The following SLC30A7 variants were observed in gnomAD, a reference collection of about 807,000 sequenced individuals.
SLC30A7 encodes solute carrier family 30 member 7, also known as zinc transporter 7.
A neutral mutation model predicts 46.0 loss-of-function variants in SLC30A7; 35 were observed. That is an observed-to-expected ratio of 0.76 (90% CI 0.58 to 1.01). SLC30A7 has a LOEUF of 1.01. Among genes scored for constraint, SLC30A7 ranks in the 50% least tolerant of loss-of-function variants. SLC30A7 has a pLI of 0.00. For synonymous variants in SLC30A7, 147 were observed against 157.8 expected, an observed-to-expected ratio of 0.93 and a Z score of 0.51; for missense variants, 464 against 451.1, an observed-to-expected ratio of 1.03 and a Z score of -0.26.
At chr1:100,972,362 C>CTTT in intron 10 of SLC30A7, 1 of 224,150 alleles carries the variant, frequency 4.5e-6, no homozygotes, top group South Asian at 5.9e-5. Context: ...ACTTTTTTTT[C>CTTT]TTTTTTTTTT....
the SLC30A7 span, among the ~76,000 whole-genome samples, chr1:100,987,576 G>A: frequency 6.6e-6 from 1 of 151,426 alleles, no homozygotes; most frequent in African/African-American, 2.4e-5. Context: ...TTTTGTCCAT[G>A]AACATAGTTC....
At chr1:100,898,335 T>A (rs1570494168) in intron 2 of SLC30A7, among the ~76,000 whole-genome samples, 1 of 152,220 alleles carries the variant, frequency 6.6e-6, no homozygotes, top group Non-Finnish European at 1.5e-5. Flanking sequence ...TAGAGATCTG[T>A]TGGGGAGATT....
chr1:100,986,273 G>T (rs945752340), downstream of SLC30A7, among the ~76,000 whole-genome samples: 2 of 152,158 alleles, frequency 1.3e-5, no homozygotes, highest in Non-Finnish European at 2.9e-5. Flanking sequence ...GCTGGGCGTG[G>T]TGGTGCATGC....
intron 8 of SLC30A7, among the ~76,000 whole-genome samples, chr1:100,939,965 T>A (rs1196077408): frequency 1.3e-5 from 2 of 152,040 alleles, no homozygotes; most frequent in Non-Finnish European, 2.9e-5. Flanking sequence ...TAGTAAAAAT[T>A]GATTTTAAAG....
intron 8 of SLC30A7, among the ~76,000 whole-genome samples, chr1:100,929,912 A>G (rs1203548415): frequency 1.3e-5 from 2 of 152,068 alleles, no homozygotes; most frequent in East Asian, 1.9e-4. Flanking sequence ...TTTTTTCCCT[A>G]AGGTGAGTTG....
At chr1:100,905,413 T>G (rs1456475161) in intron 2 of SLC30A7, among the ~76,000 whole-genome samples, 2 of 152,134 alleles carry the variant, frequency 1.3e-5, no homozygotes, top group African/African-American at 4.8e-5. Flanking sequence ...TCATTAAGCT[T>G]CTTGGATCTG....
chr1:100,942,814 G>A (rs1359389891), intron 8 of SLC30A7, among the ~76,000 whole-genome samples: 1 of 152,180 alleles, frequency 6.6e-6, no homozygotes, highest in Non-Finnish European at 1.5e-5. Flanking sequence ...TCTTAGACAT[G>A]ATAGTCTGTG....
chr1:100,923,678 C>T (rs1300736438), intron 8 of SLC30A7, among the ~76,000 whole-genome samples: 2 of 152,140 alleles, frequency 1.3e-5, no homozygotes, highest in Non-Finnish European at 2.9e-5. Flanking sequence ...ACTTGGGATG[C>T]TGAGGCCGGA....
In SLC30A7 at chr1:100,974,840, G is replaced by A; in HGVS notation, c.1114G>A (p.Asp372Asn). ...AGTGAGACAGCTCTACGTACAGATTGACTTTGCAGCCATGTAGTGAATGGA... is the reference window on the plus strand; with the variant it reads ...AGTGAGACAGCTCTACGTACAGATTAACTTTGCAGCCATGTAGTGAATGGA... Reference protein sequence around the residue: ...AGVRQLYVQIDFAAM With the variant: ...AGVRQLYVQINFAAM Residue 372 changes from aspartate (D) to asparagine (N), a missense_variant, in exon 11 of 11, where the codon GAC becomes AAC. By Grantham distance (23) the Asp-to-Asn change is conservative (BLOSUM62 1). Coordinates refer to ENST00000357650, the MANE Select transcript of SLC30A7 (RefSeq NM_133496.5). 4.4e-6 allele frequency: 7 copies of A among 1,597,068 alleles called. No individual in the cohort carries two copies. The highest frequency in any genetic ancestry group is 6.0e-6 in the Non-Finnish European group (7 of 1,168,620).
chr1:100,942,307 A>G (rs1654396641), intron 8 of SLC30A7, among the ~76,000 whole-genome samples: 1 of 152,182 alleles, frequency 6.6e-6, no homozygotes, highest in African/African-American at 2.4e-5. Context: ...AAGCAATCAC[A>G]CTTTTGGGAA....
At position 100,955,125 on chromosome 1, in the gene SLC30A7, G is replaced by GT. The variant is rs1220524206; in HGVS notation, c.843-6702dup. Among the ~76,000 whole-genome samples, 15 of 152,018 alleles carry GT rather than the reference G, an allele frequency of 9.9e-5. No homozygotes were observed. The South Asian group carries it at 2.9e-3, about 29-fold the overall frequency. On this transcript the variant is annotated intron_variant, in intron 8 of 10. Coordinates refer to ENST00000357650, the MANE Select transcript of SLC30A7 (RefSeq NM_133496.5). ...CTGAAATTTTTTATTGTTAAACATT[G>GT]TGATTGTCAGTAGACTGTTCTTCAG... is the stretch of plus-strand genomic sequence containing the variant.
chr1:100,983,532 A>C (rs1267475107), downstream of SLC30A7, among the ~76,000 whole-genome samples: 4 of 152,220 alleles, frequency 2.6e-5, no homozygotes, highest in African/African-American at 9.6e-5. Context: ...CAAGGCAATC[A>C]GTTTATTGAA....
intron 3 of SLC30A7, among the ~76,000 whole-genome samples, chr1:100,909,980 T>A (rs906344631): frequency 2.0e-5 from 3 of 150,306 alleles, no homozygotes; most frequent in Non-Finnish European, 4.5e-5. Flanking sequence ...GAAAAAAAAA[T>A]ATGTTTTGAC....
chr1:100,943,701 C>G (rs1654475044), intron 8 of SLC30A7, among the ~76,000 whole-genome samples: 1 of 152,118 alleles, frequency 6.6e-6, no homozygotes, highest in Admixed American at 6.5e-5. Context: ...GGAAATGGGT[C>G]AAAGACCAAA....
chr1:100,914,258 A>G (rs1364869293), intron 6 of SLC30A7, among the ~76,000 whole-genome samples: 1 of 152,202 alleles, frequency 6.6e-6, no homozygotes, highest in Non-Finnish European at 1.5e-5. Flanking sequence ...CAAATTGACA[A>G]TAGTCACTCT....
intron 8 of SLC30A7, among the ~76,000 whole-genome samples, chr1:100,958,549 G>A (rs1366734930): frequency 1.3e-5 from 2 of 152,148 alleles, no homozygotes; most frequent in Non-Finnish European, 2.9e-5. Flanking sequence ...ACTGTTGCTG[G>A]AAATGTTTCC....
At chr1:100,961,210 C>T (rs541690161) in intron 8 of SLC30A7, among the ~76,000 whole-genome samples, 2 of 152,156 alleles carry the variant, frequency 1.3e-5, no homozygotes, top group South Asian at 2.1e-4. Flanking sequence ...ATCCACCCGC[C>T]TTGGCTTCCC....
At chr1:100,990,554 T>G in the SLC30A7 span, 2 of 1,614,206 alleles carry the variant, frequency 1.2e-6, no homozygotes, top group Middle Eastern at 1.6e-4. Context: ...CACATTTGCC[T>G]TAAAGTGCCT....
At chr1:100,899,914 T>C (rs1004766019) in intron 2 of SLC30A7, among the ~76,000 whole-genome samples, 1 of 152,148 alleles carries the variant, frequency 6.6e-6, no homozygotes, top group Non-Finnish European at 1.5e-5. Flanking sequence ...ATGTAGTCTT[T>C]ATTCCACTCA....
Sources: allele counts gnomAD v4.1 joint callset (sites outside exome capture counted in the v4.1 genomes callset), GRCh38; gene constraint gnomAD v4.1.1; transcripts MANE v1.5; gene names NCBI Gene and HGNC (gene_info 2026-07-23, HGNC 2026-07-21).